Variants in MAST4 observed in about 807,000 individuals in gnomAD.
MAST4 encodes the protein microtubule-associated serine/threonine-protein kinase 4.
A neutral mutation model predicts 162.7 loss-of-function variants in MAST4; 89 were observed. That is an observed-to-expected ratio of 0.55 (90% confidence interval 0.46 to 0.65). MAST4 has a LOEUF of 0.65. MAST4 is among the 30% of genes least tolerant of loss of function. The pLI is 0.00. For synonymous variants in MAST4, 1,479 were observed against 1,361.1 expected (o/e 1.09, Z -1.91); for missense variants, 3,153 against 3,374.0 (o/e 0.93, Z 1.62).
chr5:67,149,341 C>T (rs1258209222), intron 23 of MAST4, 48 bp from the exon 24 acceptor site: 4 of 1,544,046 alleles, frequency 2.6e-6, no homozygotes, highest in Non-Finnish European at 2.7e-6. Flanking sequence ...TCCCACCTCT[C>T]CTATCCTGGA....
chr5:67,060,481 T>G (rs892461444), intron 5 of MAST4, among the ~76,000 whole-genome samples: 4 of 147,586 alleles, frequency 2.7e-5, no homozygotes, highest in African/African-American at 1.0e-4. Context: ...CACAATTTTT[T>G]TTTTTTTTTT....
At position 67,163,764 on chromosome 5, in the gene MAST4, C is replaced by T. The variant is rs1773516882; in HGVS notation, c.4585C>T (p.Arg1529Cys). 6.2e-7 allele frequency: 1 copy of T among 1,610,032 alleles called. No individual in the cohort carries two copies. The highest frequency in any genetic ancestry group is 8.5e-7 in the Non-Finnish European group (1 of 1,178,298). Residue 1529 changes from arginine (R) to cysteine (C), a missense_variant, in exon 29 of 29, where the codon CGC (arginine) becomes TGC (cysteine). By Grantham distance (180) the Arg-to-Cys change is radical. Transcript: ENST00000403625. The surrounding 1 kb of genome is among the most constrained non-coding windows in gnomAD (Gnocchi z 7.0). Reference protein sequence around the residue: ...GRQESVDDLDRDKLKAKVVVK... With the variant: ...GRQESVDDLDCDKLKAKVVVK... The stretch of plus-strand genomic sequence containing the variant: ...CCAGGAGTCTGTGGACGACCTGGAC[C>T]GCGACAAGCTGAAGGCCAAGGTGGT...
chr5:66,810,314 G>T (rs1756413896), intron 3 of MAST4, among the ~76,000 whole-genome samples: 1 of 152,094 alleles, frequency 6.6e-6, no homozygotes, highest in Admixed American at 6.5e-5. Flanking sequence ...CTTACCTACG[G>T]GCCATTTTTG....
At chr5:66,822,931 C>T (rs1757063349) in intron 3 of MAST4, among the ~76,000 whole-genome samples, 1 of 152,146 alleles carries the variant, frequency 6.6e-6, no homozygotes, top group African/African-American at 2.4e-5. Flanking sequence ...TATGGTTTGG[C>T]TTGGTGTCCC....
At chr5:66,996,056 T>C (rs1750605283) in intron 4 of MAST4, among the ~76,000 whole-genome samples, 1 of 152,112 alleles carries the variant, frequency 6.6e-6, no homozygotes, top group African/African-American at 2.4e-5. Flanking sequence ...GGTGGGTGGA[T>C]TGCCTAAGGT....
rs190072402 is a variant in MAST4 at position 66,811,442 on chromosome 5, A to G, written c.642+22648A>G. Among the ~76,000 whole-genome samples, 12 of 152,362 alleles carry G rather than the reference A, an allele frequency of 7.9e-5. No homozygotes were observed. In the East Asian group the frequency reaches 2.3e-3, roughly 29 times the overall value. On this transcript the variant is annotated intron_variant, in intron 3 of 28. Coordinates refer to ENST00000403625, the MANE Select transcript of MAST4 (RefSeq NM_001164664.2). ...TCTAAACACGTTAGAACTTTAACTG[A>G]GAAAATGATCCAGGAAAGGTTGGGA...
At chr5:66,615,587 G>A (rs1196226865) in intron 1 of MAST4, among the ~76,000 whole-genome samples, 1 of 152,074 alleles carries the variant, frequency 6.6e-6, no homozygotes, top group Non-Finnish European at 1.5e-5. Flanking sequence ...GGCTGAAGCG[G>A]GAGGATCATT....
intron 3 of MAST4, among the ~76,000 whole-genome samples, chr5:66,898,613 C>T (rs1249509860): frequency 6.6e-6 from 1 of 152,064 alleles, no homozygotes; most frequent in Non-Finnish European, 1.5e-5. Flanking sequence ...CAAAGCAAAG[C>T]AAAACAAAAC....
rs1191675828 is a variant in MAST4 at position 66,965,541 on chromosome 5, G to C, written c.674+65559G>C. On this transcript the variant is annotated intron_variant, in intron 4 of 28. Transcript: ENST00000403625. ...TAGGGAACTGGTTGCGTTTGAGCTGGACCTTGAAAAATATTGGAGGTTCAG... is the reference window on the plus strand; with the variant it reads ...TAGGGAACTGGTTGCGTTTGAGCTGCACCTTGAAAAATATTGGAGGTTCAG... Among the ~76,000 whole-genome samples the C allele has an allele frequency of 6.3e-5, 8 of 127,938 alleles. No individual in the cohort carries two copies. The East Asian group carries it at 2.1e-3, about 34-fold the overall frequency. 83.9% of individuals were successfully genotyped at this position (127,938 alleles called of 152,430 possible). A position where few individuals can be genotyped will look rare whatever the true frequency, so the allele number is the denominator to read the frequency against.
chr5:66,784,529 C>T (rs1298314180), intron 2 of MAST4, among the ~76,000 whole-genome samples: 3 of 152,196 alleles, frequency 2.0e-5, no homozygotes, highest in Non-Finnish European at 4.4e-5. Flanking sequence ...TAAAATATGA[C>T]AGATCTACCA....
intron 2 of MAST4, among the ~76,000 whole-genome samples, chr5:66,779,381 A>G (rs967798817): frequency 6.7e-6 from 1 of 149,318 alleles, no homozygotes; most frequent in African/African-American, 2.5e-5. Context: ...TTGTGTGAGT[A>G]AACACATAGC....
In MAST4 at chr5:67,167,505, C is replaced by T. The variant is rs534995202; in HGVS notation, c.*454C>T. 6.5e-6 allele frequency: 1 copy of T among 153,020 alleles called. No homozygotes were observed. The highest frequency in any genetic ancestry group is 2.4e-5 in the African/African-American group (1 of 41,530). 9.5% of individuals were successfully genotyped at this position (153,020 alleles called of 1,614,324 possible). The stretch of plus-strand genomic sequence containing the variant: ...GGGTGTGTGTGAACAGAGATACACC[C>T]ATATTCGTGTATATACACATCCACC... On this transcript the variant is annotated 3_prime_UTR_variant, in exon 29 of 29. Coordinates refer to ENST00000403625, the MANE Select transcript of MAST4 (RefSeq NM_001164664.2).
intron 3 of MAST4, among the ~76,000 whole-genome samples, chr5:66,819,496 G>A (rs1257905954): frequency 2.6e-5 from 4 of 152,080 alleles, no homozygotes; most frequent in Non-Finnish European, 5.9e-5. Context: ...TTGCACAGGC[G>A]CTTCAGATCT....
At chr5:66,893,440 C>G (rs1762488893) in intron 3 of MAST4, among the ~76,000 whole-genome samples, 1 of 151,600 alleles carries the variant, frequency 6.6e-6, no homozygotes. Flanking sequence ...TTTGGCCAGG[C>G]TGGTCTCGAA....
At chr5:67,073,016 T>C (rs149036615) in intron 5 of MAST4, among the ~76,000 whole-genome samples, 233 of 152,350 alleles carry the variant, frequency 1.5e-3, no homozygotes, top group Middle Eastern at 3.4e-3. Context: ...TTCATGAGTA[T>C]GTATATGTGT....
intron 3 of MAST4, among the ~76,000 whole-genome samples, chr5:66,851,271 T>C (rs1339677211): frequency 6.6e-6 from 1 of 152,232 alleles, no homozygotes; most frequent in Non-Finnish European, 1.5e-5. Context: ...TCTGTCTGTC[T>C]TTGTATCTAT....
At chr5:66,851,760 A>C (rs1759330202) in intron 3 of MAST4, among the ~76,000 whole-genome samples, 1 of 152,204 alleles carries the variant, frequency 6.6e-6, no homozygotes, top group Non-Finnish European at 1.5e-5. Flanking sequence ...CTTCCTCCTG[A>C]AAATGAGCAG....
At chr5:66,977,112 CT>C (rs1415382986) in intron 4 of MAST4, among the ~76,000 whole-genome samples, 6 of 152,046 alleles carry the variant, frequency 3.9e-5, no homozygotes, top group Non-Finnish European at 8.8e-5. Flanking sequence ...ATCAGACTTT[CT>C]TTTTGAGACA....
chr5:66,904,676 G>A (rs571239368), intron 4 of MAST4, among the ~76,000 whole-genome samples: 1 of 147,456 alleles, frequency 6.8e-6, no homozygotes, highest in Non-Finnish European at 1.5e-5. Flanking sequence ...TTGATTGCTT[G>A]CTTGCTTGAT....
Sources: allele counts gnomAD v4.1 joint callset (sites outside exome capture counted in the v4.1 genomes callset), GRCh38; gene constraint gnomAD v4.1.1; non-coding constraint Gnocchi (gnomAD v3.1); transcripts MANE v1.5; gene names NCBI Gene and HGNC (gene_info 2026-07-23, HGNC 2026-07-21).